The following NSMF variants were observed in gnomAD, a reference collection of about 807,000 sequenced individuals.
NSMF encodes NMDA receptor synaptonuclear signaling and neuronal migration factor, also known as nasal embryonic LHRH factor.
Under a neutral mutation model 71.0 loss-of-function variants are expected in NSMF, and 31 were observed. That is an observed-to-expected ratio of 0.44 (90% CI 0.33 to 0.59). The LOEUF is 0.59. NSMF is among the 20% of genes least tolerant of loss of function. NSMF has a pLI of 0.04. For synonymous variants in NSMF, 345 were observed against 287.1 expected, an observed-to-expected ratio of 1.20 and a Z score of -2.04; for missense variants, 673 against 740.5, an observed-to-expected ratio of 0.91 and a Z score of 1.06.
At position 137,456,481 on chromosome 9, in the gene NSMF, T is replaced by A. The variant is rs1394956384; in HGVS notation, c.634A>T (p.Ile212Phe). The A allele has an allele frequency of 6.2e-7, 1 of 1,611,590 alleles. No individual in the cohort carries two copies. Among genetic ancestry groups the A allele is most frequent in the African/African-American group, 1.3e-5 (1 of 74,996 alleles). ...TTGGGGAACCAGGTACGAATAGGGA[T>A]GTCGTCTAAGAGAGACAAAAAGGAG... ...MYSVDRVSDDIPIRTWFPKEN... is the reference protein window; with the variant it reads ...MYSVDRVSDDFPIRTWFPKEN... Residue 212 changes from isoleucine (I) to phenylalanine (F), a missense_variant, in exon 4 of 16, where the codon ATC (isoleucine) becomes TTC (phenylalanine). By Grantham distance (21) the Ile-to-Phe change is conservative. This residue lies in a region of NSMF where 471 missense variants were observed against 459.6 expected (regional missense o/e 1.02). Transcript: ENST00000371475.
At chr9:137,456,031 A>G (rs929811659) in intron 4 of NSMF, among the ~76,000 whole-genome samples, 2 of 152,260 alleles carry the variant, frequency 1.3e-5, no homozygotes, top group Non-Finnish European at 1.5e-5. Flanking sequence ...GGGGACCCTG[A>G]AACTGTGATG....
intron 1 of NSMF, 71 bp downstream of exon 1, chr9:137,458,961 G>C (rs986253333): frequency 1.7e-4 from 204 of 1,168,858 alleles, no homozygotes; most frequent in Non-Finnish European, 2.1e-4. Flanking sequence ...GAGCACCGCG[G>C]GGCAGGGGCG....
At position 137,453,837 on chromosome 9, in the gene NSMF, C is replaced by G. The variant is rs759305988; in HGVS notation, c.833-17G>C. ...CAGCGAACGCTGCAGAGAGCAAAAC[C>G]CGCATTAGCGAGCGGGTGGGGCGGG... On this transcript the variant is annotated splice_polypyrimidine_tract_variant and intron_variant, in intron 7 of 15. Transcript: ENST00000371475. The surrounding 1 kb of genome is among the most constrained non-coding windows in gnomAD (Gnocchi z 4.5). 13 of 1,572,710 alleles carry G rather than the reference C, an allele frequency of 8.3e-6. No individual in the cohort carries two copies. The highest frequency in any genetic ancestry group is 1.8e-5 in the Admixed American group (1 of 55,640).
chr9:137,449,769 AC>A, intron 14 of NSMF, 95 bp from the exon 15 acceptor site: 6 of 1,328,524 alleles, frequency 4.5e-6, no homozygotes, highest in Admixed American at 1.9e-5. Context: ...CTTTTTTCAG[AC>A]CCCCCAAACC....
chr9:137,452,325 C>T lies in NSMF; in HGVS notation c.1236+40G>A, dbSNP rs376114716. 2.2e-4 allele frequency: 344 copies of T among 1,599,524 alleles called. 6 individuals are homozygous for T. In the South Asian group the frequency reaches 3.0e-3, roughly 14 times the overall value. ...CCCTTGGTCTTCCCCTGCCCCACCA[C>T]GATTCTTCTCCTGGTCAGGAGACGA... On this transcript the variant is annotated intron_variant, in intron 12 of 15. Transcript: ENST00000371475.
chr9:137,453,485 G>A lies in NSMF; in HGVS notation c.922+246C>T, dbSNP rs1830652265. On this transcript the variant is annotated intron_variant, in intron 8 of 15. Transcript: ENST00000371475. This position sits in a 1 kb window ranked among gnomAD's most constrained non-coding sequence, Gnocchi z 4.5. ...GCGGGCACCGCAGCCCCCTGCCCCT[G>A]AGGGCCTCTTGCGAGTGGCGGTGGG... is the stretch of plus-strand genomic sequence containing the variant. 3.3e-6 allele frequency: 2 copies of A among 599,016 alleles called. No homozygotes were observed. The highest frequency in any genetic ancestry group is 6.0e-5 in the Admixed American group (2 of 33,386). The allele number at this position is 599,016 out of a possible 1,614,324, so 37.1% of individuals were successfully genotyped here. A position where few individuals can be genotyped will look rare whatever the true frequency, so the allele number is the denominator to read the frequency against.
rs1375098344 is a variant in NSMF at position 137,447,744 on chromosome 9, CCT to C, written c.*1648_*1649del. ...GTGCCAGGCTGCGCACCAGTGGCCC[CCT>C]GACCCTAGCCCAGCTGATACGTGCT... On this transcript the variant is annotated 3_prime_UTR_variant, in exon 16 of 16. Coordinates refer to ENST00000371475, the MANE Select transcript of NSMF (RefSeq NM_001130969.3). 4.0e-5 allele frequency: 6 copies of C among 151,826 alleles called. No homozygotes were observed. Among genetic ancestry groups the C allele is most frequent in the East Asian group, 3.9e-4 (2 of 5,142 alleles). The allele number at this position is 151,826 out of a possible 1,614,324, so 9.4% of individuals were successfully genotyped here.
chr9:137,450,316 AC>A, intron 12 of NSMF, 61 bp from the exon 13 acceptor site: 2 of 1,368,830 alleles, frequency 1.5e-6, no homozygotes, highest in Non-Finnish European at 2.1e-6. Flanking sequence ...ACACACATGC[AC>A]CCACGCACAT....
In NSMF at chr9:137,449,991, C is replaced by T. The variant is rs2131943989; in HGVS notation, c.1351G>A (p.Val451Met). 3.1e-6 allele frequency: 5 copies of T among 1,613,218 alleles called. No homozygotes were observed. The East Asian group carries it at 1.1e-4, about 36-fold the overall frequency. The change falls in exon 14 of 16, where the codon GTG becomes ATG. Residue 451 changes from valine (V) to methionine (M), a missense_variant. Val to Met is a conservative substitution (Grantham distance 21). Coordinates refer to ENST00000371475, the MANE Select transcript of NSMF (RefSeq NM_001130969.3). ...TGGATGACGTTCGGCTCTGGGTTCACTTTGCTCATCAGGCGGCTCAGCCGC... is the reference window on the plus strand; with the variant it reads ...TGGATGACGTTCGGCTCTGGGTTCATTTTGCTCATCAGGCGGCTCAGCCGC... ...WKRLSRLMSKVNPEPNVIHIM... is the reference protein window; with the variant it reads ...WKRLSRLMSKMNPEPNVIHIM...
intron 15 of NSMF, 21 bp downstream of exon 15, chr9:137,449,578 G>T (rs776144761): frequency 8.7e-6 from 14 of 1,611,470 alleles, no homozygotes; most frequent in Non-Finnish European, 1.2e-5. Flanking sequence ...GCAGAGCTTC[G>T]GCCCAGCCTG....
rs1177667397 is a variant in NSMF at position 137,457,827 on chromosome 9, G to A, written c.208C>T (p.Arg70Cys). 3.2e-6 allele frequency: 5 copies of A among 1,556,044 alleles called. No individual in the cohort carries two copies. The highest frequency in any genetic ancestry group is 2.4e-5 in the East Asian group (1 of 41,762). The change falls in exon 3 of 16, where the codon CGC (arginine) becomes TGC (cysteine). Residue 70 changes from arginine (R) to cysteine (C), a missense_variant. Transcript: ENST00000371475. ...EMQPAPQNKRRLSLVSNGCYE... is the reference protein window; with the variant it reads ...EMQPAPQNKRCLSLVSNGCYE... ...CAGCCGTTGGAGACGAGGGACAGGC[G>A]GCGCTTGTTCTGGGGGGCCGGCTGC...
rs771988756 is a variant in NSMF at position 137,457,417 on chromosome 9, G to A, written c.618C>T (p.Asp206=). 3.1e-6 allele frequency: 5 copies of A among 1,612,904 alleles called. No homozygotes were observed. The highest frequency in any genetic ancestry group is 4.2e-6 in the Non-Finnish European group (5 of 1,180,004). The part of the protein sequence containing the change: ...RKKLERMYSV[D]RVSDDIPIRT... ...ACACAAACCCCTCACCAGACACACG[G>A]TCAACGCTGTACATCCTCTCCAGCT... The change falls in exon 3 of 16, where the codon GAC becomes GAT. Residue 206 remains aspartate, a synonymous_variant. Transcript: ENST00000371475.
At position 137,449,878 on chromosome 9, in the gene NSMF, C is replaced by T. The variant is rs373500694; in HGVS notation, c.1419+45G>A. ...AAGGCTCTGCCCTGTCTGTCCACGT[C>T]GGGGGTTTCCAGAGGTCTGGGGTGG... On this transcript the variant is annotated intron_variant, in intron 14 of 15. Coordinates refer to ENST00000371475, the MANE Select transcript of NSMF (RefSeq NM_001130969.3). 270 of 1,516,146 alleles carry T rather than the reference C, an allele frequency of 1.8e-4. 1 individual carries two copies. The highest frequency in any genetic ancestry group is 1.7e-4 in the Middle Eastern group (1 of 5,920). The allele number at this position is 1,516,146 out of a possible 1,614,324, so 93.9% of individuals were successfully genotyped here.
chr9:137,454,030 G>C (rs1030579743), intron 7 of NSMF, among the ~76,000 whole-genome samples: 1 of 151,402 alleles, frequency 6.6e-6, no homozygotes, highest in Non-Finnish European at 1.5e-5. Context: ...GCGGAGTCTG[G>C]GAAGGGAGGA....
chr9:137,453,920 A>T lies in NSMF; in HGVS notation c.833-100T>A. 1 of 997,190 alleles carries T rather than the reference A, an allele frequency of 1.0e-6. No homozygotes were observed. The highest frequency in any genetic ancestry group is 1.5e-6 in the Non-Finnish European group (1 of 663,164). The allele number at this position is 997,190 out of a possible 1,614,324, so 61.8% of individuals were successfully genotyped here. A position where few individuals can be genotyped will look rare whatever the true frequency, so the allele number is the denominator to read the frequency against. On this transcript the variant is annotated intron_variant, in intron 7 of 15. Transcript: ENST00000371475. The surrounding 1 kb of genome is among the most constrained non-coding windows in gnomAD (Gnocchi z 4.5). ...CCACAGGGGCCCTGGGCAGAGGAGG[A>T]AGCTAATGTGGGTGGGGTCTAAGGC...
Position 137,455,233 on chromosome 9 carries a change from C to T in NSMF, c.779+6G>A. On this transcript the variant is annotated splice_donor_region_variant and intron_variant, in intron 6 of 15. Coordinates refer to ENST00000371475, the MANE Select transcript of NSMF (RefSeq NM_001130969.3). Reference sequence around the variant, plus strand: ...ACCCTGGTGGCGAGTGGCTGGCAGGCCCTACCTCTGGATTACAGACGCGGA... The same window carrying T: ...ACCCTGGTGGCGAGTGGCTGGCAGGTCCTACCTCTGGATTACAGACGCGGA... 6.2e-7 allele frequency: 1 copy of T among 1,612,654 alleles called. No homozygotes were observed. Among genetic ancestry groups the T allele is most frequent in the Non-Finnish European group, 8.5e-7 (1 of 1,179,834 alleles).
rs751925940 is a variant in NSMF at position 137,455,228 on chromosome 9, G to A, written c.779+11C>T. The A allele has an allele frequency of 6.2e-7, 1 of 1,612,404 alleles. No homozygotes were observed. The highest frequency in any genetic ancestry group is 1.3e-5 in the African/African-American group (1 of 75,048). On this transcript the variant is annotated intron_variant, in intron 6 of 15. Transcript: ENST00000371475. Reference sequence around the variant, plus strand: ...GATGGACCCTGGTGGCGAGTGGCTGGCAGGCCCTACCTCTGGATTACAGAC... The same window carrying A: ...GATGGACCCTGGTGGCGAGTGGCTGACAGGCCCTACCTCTGGATTACAGAC...
At chr9:137,454,335 G>A in intron 7 of NSMF, 56 bp downstream of exon 7, 1 of 1,497,398 alleles carries the variant, frequency 6.7e-7, no homozygotes, top group South Asian at 1.2e-5. Flanking sequence ...AGCAAGCAAA[G>A]CCCCAACCAG....
intron 3 of NSMF, among the ~76,000 whole-genome samples, chr9:137,457,197 G>C (rs1830878569): frequency 6.6e-6 from 1 of 152,188 alleles, no homozygotes; most frequent in Admixed American, 6.5e-5. Flanking sequence ...TGTGAGGCCT[G>C]GCAGATTTTG....
Sources: gnomAD v4.1 joint callset for allele counts (sites outside exome capture counted in the v4.1 genomes callset) on GRCh38, gnomAD v4.1.1 for gene constraint, gnomAD v4.1.1 regional missense constraint, Gnocchi (gnomAD v3.1) non-coding constraint, MANE v1.5 for transcripts, NCBI Gene and HGNC (gene_info 2026-07-23, HGNC 2026-07-21) for gene names.